The following DBNDD2 variants were observed in gnomAD, a reference collection of about 807,000 sequenced individuals.
The protein encoded by DBNDD2 is dysbindin domain containing 2.
Under a neutral mutation model 14.0 loss-of-function variants are expected in DBNDD2, and 8 were observed. The ratio of observed to expected loss-of-function variants is 0.57; its 90% confidence interval spans 0.33 to 1.03. The LOEUF (loss-of-function observed/expected upper bound fraction) is 1.03. DBNDD2 is among the 50% of genes least tolerant of loss of function. DBNDD2 has a pLI of 0.03. For synonymous variants in DBNDD2, 94 were observed against 85.3 expected, an observed-to-expected ratio of 1.10 and a Z score of -0.56; for missense variants, 194 against 206.0, an observed-to-expected ratio of 0.94 and a Z score of 0.36.
At chr20:45,406,869 T>G, upstream of DBNDD2, 3 of 1,145,478 alleles carry the variant, frequency 2.6e-6, no homozygotes, top group Non-Finnish European at 3.3e-6. Flanking sequence ...AGGGAATTTT[T>G]TCCCTCTTGC....
At position 45,410,238 on chromosome 20, in the gene DBNDD2, T is replaced by C. The variant is rs955896013; in HGVS notation, c.*98T>C. 1.5e-6 allele frequency: 2 copies of C among 1,297,026 alleles called. No homozygotes were observed. The highest frequency in any genetic ancestry group is 4.2e-5 in the Admixed American group (2 of 48,066). The allele number at this position is 1,297,026 out of a possible 1,614,324, so 80.3% of individuals were successfully genotyped here. The stretch of plus-strand genomic sequence containing the variant: ...GTCGGGAGAAGACCAGACTCTTTAC[T>C]TGCAGTAGGCACCAGAGGTGGGAAG... On this transcript the variant is annotated 3_prime_UTR_variant, in exon 3 of 3. Coordinates refer to ENST00000372710, the MANE Select transcript of DBNDD2 (RefSeq NM_001048225.4).
chr20:45,406,397 C>T, upstream of DBNDD2: 7 of 1,452,218 alleles, frequency 4.8e-6, no homozygotes, highest in Non-Finnish European at 6.4e-6. Flanking sequence ...ACTAGCGCAC[C>T]GGCGTCGGTG....
upstream of DBNDD2, chr20:45,406,853 C>T: frequency 6.7e-6 from 8 of 1,190,898 alleles, no homozygotes; most frequent in Non-Finnish European, 8.4e-6. Context: ...CCTCGTGTCC[C>T]TTTTTAGGGA....
upstream of DBNDD2, chr20:45,407,907 C>G (rs1989555837): frequency 7.8e-7 from 1 of 1,288,496 alleles, no homozygotes; most frequent in Non-Finnish European, 9.8e-7. Flanking sequence ...ATGGCACATG[C>G]GTGTGTACGT....
intron 2 of DBNDD2, 191 bp downstream of exon 2, chr20:45,409,129 C>G: frequency 9.7e-7 from 1 of 1,029,970 alleles, no homozygotes; most frequent in Non-Finnish European, 1.4e-6. Context: ...GGTTACACAT[C>G]TCTAATCCAA....
rs768539476 is a variant in DBNDD2 at position 45,410,160 on chromosome 20, G to C, written c.*20G>C. The C allele has an allele frequency of 3.9e-6, 6 of 1,551,196 alleles. No individual in the cohort carries two copies. The South Asian group carries it at 7.1e-5, about 18-fold the overall frequency. On this transcript the variant is annotated 3_prime_UTR_variant, in exon 3 of 3. Transcript: ENST00000372710. ...AGCTAGCAGTGGGCCCCTGCCTACAGACTGACCACGCTGGCTATTCTCCAC... is the reference window on the plus strand; with the variant it reads ...AGCTAGCAGTGGGCCCCTGCCTACACACTGACCACGCTGGCTATTCTCCAC...
chr20:45,406,739 G>A, upstream of DBNDD2: 1 of 1,270,272 alleles, frequency 7.9e-7, no homozygotes, highest in South Asian at 2.8e-5. Flanking sequence ...GCAGGTAGGG[G>A]CTCCGGCGGC....
intron 2 of DBNDD2, 125 bp downstream of exon 2, chr20:45,409,063 C>T (rs947937399): frequency 2.5e-6 from 4 of 1,584,860 alleles, no homozygotes; most frequent in East Asian, 2.3e-5. Flanking sequence ...GGTGTTTCTA[C>T]CAATGAAACA....
chr20:45,410,046 A>G lies in DBNDD2; in HGVS notation c.392A>G (p.Asn131Ser). 1 of 1,553,766 alleles carries G rather than the reference A, an allele frequency of 6.4e-7. No homozygotes were observed. The highest frequency in any genetic ancestry group is 2.4e-5 in the East Asian group (1 of 41,138). The part of the protein sequence containing the change: ...SDSSTNLHSP[N>S]PSDDGADTPL... ...TCCTCCACCAACCTGCATAGCCCAAATCCAAGTGATGATGGAGCAGATACG... is the reference window on the plus strand; with the variant it reads ...TCCTCCACCAACCTGCATAGCCCAAGTCCAAGTGATGATGGAGCAGATACG... The change falls in exon 3 of 3, where the codon AAT becomes AGT. Residue 131 changes from asparagine (N) to serine (S), a missense_variant. Physicochemically the swap from Asn to Ser is conservative, Grantham distance 46 (BLOSUM62 1). Coordinates refer to ENST00000372710, the MANE Select transcript of DBNDD2 (RefSeq NM_001048225.4).
intron 2 of DBNDD2, among the ~76,000 whole-genome samples, chr20:45,409,536 G>A (rs532304990): frequency 6.6e-6 from 1 of 152,246 alleles, no homozygotes; most frequent in East Asian, 1.9e-4. Context: ...ATTTATTGAT[G>A]GCTTACTATG....
chr20:45,406,901 T>C (rs1396489036), upstream of DBNDD2, among the ~76,000 whole-genome samples: 2 of 152,188 alleles, frequency 1.3e-5, no homozygotes, highest in South Asian at 2.1e-4. Flanking sequence ...CGGGTGGGGC[T>C]GAGACCGAGA....
chr20:45,406,890 G>C (rs1989445926), upstream of DBNDD2, among the ~76,000 whole-genome samples: 1 of 152,196 alleles, frequency 6.6e-6, no homozygotes, highest in Non-Finnish European at 1.5e-5. Flanking sequence ...TGGCTCCAGT[G>C]CGGGTGGGGC....
At chr20:45,408,175 C>A, upstream of DBNDD2, 1 of 1,548,914 alleles carries the variant, frequency 6.5e-7, no homozygotes. Context: ...GAGAGTTGGG[C>A]ATTGGCTGTG....
chr20:45,409,131 C>G, intron 2 of DBNDD2, 193 bp downstream of exon 2: 3 of 1,009,304 alleles, frequency 3.0e-6, no homozygotes, highest in Non-Finnish European at 4.2e-6. Flanking sequence ...TTACACATCT[C>G]TAATCCAAAA....
At chr20:45,408,225 C>G (rs11541733), upstream of DBNDD2, 1 of 1,551,188 alleles carries the variant, frequency 6.4e-7, no homozygotes, top group South Asian at 1.2e-5. Context: ...GTGCCTGGAA[C>G]TGGCATCCCC....
At chr20:45,408,634 C>G in intron 1 of DBNDD2, 28 bp downstream of exon 1, 2 of 1,606,164 alleles carry the variant, frequency 1.2e-6, no homozygotes, top group East Asian at 2.2e-5. Context: ...AGAAGAGGGA[C>G]TGGGGTAGGG....
chr20:45,408,487 C>G lies in DBNDD2; in HGVS notation c.20C>G (p.Ala7Gly), dbSNP rs1368946647. ...GCTGACATGGACCCAAATCCTCGGG[C>G]CGCCCTGGAGCGCCAGCAGCTCCGC... MDPNPR[A>G]ALERQQLRLR... Residue 7 changes from alanine to glycine, a missense_variant, in exon 1 of 3, where the codon GCC (alanine) becomes GGC (glycine). Ala to Gly is a moderately conservative substitution (Grantham distance 60). Coordinates refer to ENST00000372710, the MANE Select transcript of DBNDD2 (RefSeq NM_001048225.4). 6.2e-7 allele frequency: 1 copy of G among 1,614,160 alleles called. No individual in the cohort carries two copies. The highest frequency in any genetic ancestry group is 1.3e-5 in the African/African-American group (1 of 74,952).
chr20:45,406,980 C>G (rs1033884008), upstream of DBNDD2, among the ~76,000 whole-genome samples: 4 of 152,206 alleles, frequency 2.6e-5, no homozygotes, highest in African/African-American at 7.2e-5. Context: ...CTCTTCACCC[C>G]CTTTCCAGTA....
upstream of DBNDD2, chr20:45,406,632 G>C (rs1471777302): frequency 1.4e-6 from 2 of 1,392,580 alleles, no homozygotes; most frequent in Non-Finnish European, 1.9e-6. Context: ...GGGAGCCCTG[G>C]AGGCGCAGCC....
Sources: gnomAD v4.1 joint callset for allele counts (sites outside exome capture counted in the v4.1 genomes callset) on GRCh38, gnomAD v4.1.1 for gene constraint, MANE v1.5 for transcripts, NCBI Gene and HGNC (gene_info 2026-07-23, HGNC 2026-07-21) for gene names.